Variants in FAM222A observed in about 807,000 individuals in gnomAD.
FAM222A encodes family with sequence similarity 222 member A, also known as protein FAM222A.
FAM222A carries 7 observed loss-of-function variants against 25.8 expected under a neutral mutation model. That is an observed-to-expected ratio of 0.27 (90% CI 0.15 to 0.51). The LOEUF (loss-of-function observed/expected upper bound fraction) is 0.51, where lower values mean the gene tolerates loss of function less well. Among genes scored for constraint, FAM222A ranks in the 20% least tolerant of loss-of-function variants. FAM222A has a pLI of 0.97. For synonymous variants in FAM222A, 294 were observed against 298.8 expected (o/e 0.98, Z 0.17); for missense variants, 573 against 640.5 (o/e 0.89, Z 1.14).
At chr12:109,753,955 C>T (rs1213393623) in intron 2 of FAM222A, among the ~76,000 whole-genome samples, 1 of 152,166 alleles carries the variant, frequency 6.6e-6, no homozygotes, top group Non-Finnish European at 1.5e-5. Flanking sequence ...CCACCCCTGC[C>T]GCAGGTACCA....
intron 1 of FAM222A, among the ~76,000 whole-genome samples, chr12:109,730,497 G>A (rs574680976): frequency 7.9e-5 from 12 of 152,080 alleles, no homozygotes; most frequent in East Asian, 3.9e-4. Context: ...GTGCCTTTGC[G>A]CTCCGTGCCA....
chr12:109,742,413 A>G (rs1888268522), intron 1 of FAM222A, among the ~76,000 whole-genome samples: 1 of 152,232 alleles, frequency 6.6e-6, no homozygotes, highest in Non-Finnish European at 1.5e-5. Context: ...CCCTGCAATA[A>G]GCCCCACTTC....
intron 1 of FAM222A, among the ~76,000 whole-genome samples, chr12:109,720,697 A>G (rs888469509): frequency 1.3e-5 from 2 of 152,264 alleles, no homozygotes; most frequent in Non-Finnish European, 2.9e-5. Context: ...GCTCCCTGCC[A>G]GATGCTGGGG....
chr12:109,754,883 G>C (rs1350345020), intron 2 of FAM222A, among the ~76,000 whole-genome samples: 3 of 152,058 alleles, frequency 2.0e-5, no homozygotes, highest in Non-Finnish European at 4.4e-5. Flanking sequence ...TGTTACCCAG[G>C]CTGGTCTTGA....
chr12:109,756,177 AGTC>A (rs1480102026), intron 2 of FAM222A, among the ~76,000 whole-genome samples: 4 of 152,168 alleles, frequency 2.6e-5, no homozygotes, highest in East Asian at 3.9e-4. Context: ...TTTATTCCTC[AGTC>A]GTCTTTTTGA....
At chr12:109,765,494 C>T (rs1166821235) in intron 2 of FAM222A, among the ~76,000 whole-genome samples, 1 of 152,280 alleles carries the variant, frequency 6.6e-6, no homozygotes, top group Non-Finnish European at 1.5e-5. Flanking sequence ...GACTACTTCT[C>T]TGCCTCAGGG....
chr12:109,740,432 G>A (rs2136337066), intron 1 of FAM222A, among the ~76,000 whole-genome samples: 1 of 151,900 alleles, frequency 6.6e-6, no homozygotes, highest in Admixed American at 6.5e-5. Flanking sequence ...AGTCTGATTT[G>A]CAGATAGGGT....
chr12:109,749,986 T>C (rs574917791), intron 2 of FAM222A, among the ~76,000 whole-genome samples: 1 of 152,362 alleles, frequency 6.6e-6, no homozygotes, highest in South Asian at 2.1e-4. Flanking sequence ...GGATTAAGCT[T>C]TGTGATCCAG....
At chr12:109,723,199 G>A (rs1196978489) in intron 1 of FAM222A, among the ~76,000 whole-genome samples, 1 of 152,110 alleles carries the variant, frequency 6.6e-6, no homozygotes, top group Non-Finnish European at 1.5e-5. Context: ...CCTCTATTCT[G>A]GAAGCCCTCT....
chr12:109,765,568 C>T (rs906645193), intron 2 of FAM222A, among the ~76,000 whole-genome samples: 1 of 152,240 alleles, frequency 6.6e-6, no homozygotes, highest in African/African-American at 2.4e-5. Context: ...CCTCTTCTAC[C>T]AGTGGCCCAG....
At chr12:109,755,127 A>G (rs1888682158) in intron 2 of FAM222A, among the ~76,000 whole-genome samples, 1 of 152,076 alleles carries the variant, frequency 6.6e-6, no homozygotes, top group African/African-American at 2.4e-5. Context: ...TTGAAGCACA[A>G]AAGTTTTGAA....
Position 109,768,778 on chromosome 12 carries a change from G to C in FAM222A, c.849G>C (p.Leu283=). 6.3e-7 allele frequency: 1 copy of C among 1,579,896 alleles called. No individual in the cohort carries two copies. Among genetic ancestry groups the C allele is most frequent in the African/African-American group, 1.3e-5 (1 of 74,582 alleles). ...AKPAGYADSG[L]DYLLWPQKPP... is the part of the protein sequence containing the mutation. ...CTGCAGGGTACGCAGACAGCGGCCT[G>C]GATTACCTGCTGTGGCCGCAGAAAC... is the stretch of plus-strand genomic sequence containing the variant. The change falls in exon 3 of 3, where the codon CTG becomes CTC. Residue 283 remains leucine (L), a synonymous_variant. Transcript: ENST00000538780.
intron 1 of FAM222A, chr12:109,720,035 A>G: frequency 1.1e-6 from 1 of 949,968 alleles, no homozygotes; most frequent in South Asian, 4.9e-5. Context: ...CAGCTTTCTC[A>G]TGGGCTTGTG....
chr12:109,744,271 G>T, intron 2 of FAM222A, 43 bp downstream of exon 2: 1 of 1,580,332 alleles, frequency 6.3e-7, no homozygotes, highest in South Asian at 1.1e-5. Context: ...CAGGTCGTGG[G>T]CAGAGAACGC....
chr12:109,715,330 A>T (rs1036260846), intron 1 of FAM222A, among the ~76,000 whole-genome samples: 6 of 152,198 alleles, frequency 3.9e-5, no homozygotes, highest in African/African-American at 1.2e-4. Flanking sequence ...CCAGAAACGC[A>T]GGTGGCCACG....
intron 2 of FAM222A, among the ~76,000 whole-genome samples, chr12:109,763,267 C>CG (rs1888949709): frequency 6.6e-6 from 1 of 152,252 alleles, no homozygotes; most frequent in South Asian, 2.1e-4. Context: ...TTGGGAGACT[C>CG]TGAGCTTCCA....
intron 1 of FAM222A, among the ~76,000 whole-genome samples, chr12:109,724,800 C>T (rs1224304421): frequency 6.6e-6 from 1 of 152,050 alleles, no homozygotes; most frequent in Non-Finnish European, 1.5e-5. Flanking sequence ...CTAATGTCTT[C>T]CCAAGTTTCT....
chr12:109,753,035 C>T (rs189533117), intron 2 of FAM222A, among the ~76,000 whole-genome samples: 12 of 152,202 alleles, frequency 7.9e-5, no homozygotes, highest in Admixed American at 3.3e-4. Context: ...CTGCTCAGGG[C>T]CTTCCCCACT....
intron 1 of FAM222A, among the ~76,000 whole-genome samples, chr12:109,715,434 G>A (rs973702142): frequency 6.6e-6 from 1 of 152,232 alleles, no homozygotes; most frequent in Admixed American, 6.5e-5. Context: ...TTCCCCAGTG[G>A]GGGCACGACA....
Sources: allele counts gnomAD v4.1 joint callset (sites outside exome capture counted in the v4.1 genomes callset), GRCh38; gene constraint gnomAD v4.1.1; transcripts MANE v1.5; gene names NCBI Gene and HGNC (gene_info 2026-07-23, HGNC 2026-07-21).